Variants in EXOC2 observed in about 807,000 individuals in gnomAD.
EXOC2 encodes the protein exocyst complex component 2.
A neutral mutation model predicts 131.8 loss-of-function variants in EXOC2; 70 were observed. The observed-to-expected ratio is 0.53, with a 90% CI of 0.44 to 0.65. The LOEUF is 0.65. Ranked by LOEUF, EXOC2 falls within the 30% of genes least tolerant of loss-of-function variation. The pLI is 0.00. For synonymous variants in EXOC2, 411 were observed against 398.4 expected (o/e 1.03, Z -0.38); for missense variants, 923 against 1,108.6 (o/e 0.83, Z 2.38).
intron 1 of EXOC2, among the ~76,000 whole-genome samples, chr6:687,122 AAGAC>A (rs1215909215): frequency 6.6e-6 from 1 of 151,816 alleles, no homozygotes; most frequent in Non-Finnish European, 1.5e-5. Flanking sequence ...TTTTCCCAGA[AAGAC>A]AGATCACCTG....
intron 1 of EXOC2, among the ~76,000 whole-genome samples, chr6:647,526 T>A (rs185710268): frequency 3.0e-4 from 43 of 144,196 alleles, no homozygotes; most frequent in African/African-American, 1.0e-3. Flanking sequence ...ACAGACCAGA[T>A]TCCTGGTGAC....
chr6:514,107 A>T (rs909952316), intron 23 of EXOC2, among the ~76,000 whole-genome samples: 3 of 152,220 alleles, frequency 2.0e-5, no homozygotes, highest in Admixed American at 1.3e-4. Context: ...TCTGGACTTC[A>T]GTTTCCTTGG....
intron 12 of EXOC2, among the ~76,000 whole-genome samples, chr6:574,338 G>A (rs769625236): frequency 1.4e-4 from 21 of 152,290 alleles, no homozygotes; most frequent in South Asian, 8.3e-4. Flanking sequence ...TACTTCCACC[G>A]GTGACACGTG....
At chr6:493,953 C>A (rs576664050) in intron 25 of EXOC2, among the ~76,000 whole-genome samples, 2 of 152,106 alleles carry the variant, frequency 1.3e-5, no homozygotes, top group African/African-American at 4.8e-5. Flanking sequence ...AAATGGATTA[C>A]GGAGGTAATG....
At chr6:642,198 T>C (rs1249663573) in intron 1 of EXOC2, among the ~76,000 whole-genome samples, 3 of 152,254 alleles carry the variant, frequency 2.0e-5, no homozygotes, top group Non-Finnish European at 4.4e-5. Flanking sequence ...TCAAATGTTA[T>C]TTTAGTCTCC....
At chr6:691,133 C>G (rs1377921077) in intron 1 of EXOC2, among the ~76,000 whole-genome samples, 5 of 152,212 alleles carry the variant, frequency 3.3e-5, no homozygotes, top group Non-Finnish European at 5.9e-5. Context: ...CTTGCTGCTG[C>G]TTGACACTAG....
At chr6:687,735 A>G (rs984386714) in intron 1 of EXOC2, among the ~76,000 whole-genome samples, 5 of 152,224 alleles carry the variant, frequency 3.3e-5, no homozygotes, top group Non-Finnish European at 7.3e-5. Flanking sequence ...GAAGCTCAAG[A>G]ATGACTTTGG....
At chr6:593,760 C>CAGGCTG (rs1759668754) in intron 10 of EXOC2, among the ~76,000 whole-genome samples, 1 of 152,206 alleles carries the variant, frequency 6.6e-6, no homozygotes, top group Non-Finnish European at 1.5e-5. Flanking sequence ...TCAATGGCTC[C>CAGGCTG]AGGCTGACCT....
chr6:486,831 C>T (rs369443593), intron 27 of EXOC2, 67 bp from the exon 28 acceptor site: 78 of 1,261,184 alleles, frequency 6.2e-5, no homozygotes, highest in Non-Finnish European at 8.3e-5. Context: ...AAGAAAACAC[C>T]AGGGGAGCCA....
chr6:669,891 T>C (rs1036463626), intron 1 of EXOC2: 2 of 152,310 alleles, frequency 1.3e-5, no homozygotes, highest in East Asian at 3.8e-4. Flanking sequence ...CATTTATCCA[T>C]GGGTCCCTCA....
At chr6:663,105 A>G (rs1192467457) in intron 1 of EXOC2, among the ~76,000 whole-genome samples, 1 of 152,240 alleles carries the variant, frequency 6.6e-6, no homozygotes, top group Non-Finnish European at 1.5e-5. Flanking sequence ...AAGAAATGCA[A>G]CAGGAGATAT....
chr6:678,090 C>A (rs368109812), intron 1 of EXOC2, among the ~76,000 whole-genome samples: 1 of 152,106 alleles, frequency 6.6e-6, no homozygotes, highest in Non-Finnish European at 1.5e-5. Flanking sequence ...CTAACTGGCA[C>A]GAAGGACATG....
Position 564,889 on chromosome 6 carries a change from A to G in EXOC2, c.1484T>C (p.Val495Ala). The G allele has an allele frequency of 6.2e-7, 1 of 1,613,064 alleles. No homozygotes were observed. Among genetic ancestry groups the G allele is most frequent in the Non-Finnish European group, 8.5e-7 (1 of 1,179,644 alleles). ...KSGQIERSKN[V>A]RQRQNDFKKM... ...CTTAAAATCATTTTGTCTTTGCCTTACATTCTTTGATCTTTCAATCTGGCC... is the reference window on the plus strand; with the variant it reads ...CTTAAAATCATTTTGTCTTTGCCTTGCATTCTTTGATCTTTCAATCTGGCC... Residue 495 changes from valine to alanine, a missense_variant, in exon 14 of 28, where the codon GTA becomes GCA. Val to Ala is a moderately conservative substitution (Grantham distance 64). Coordinates refer to ENST00000230449, the MANE Select transcript of EXOC2 (RefSeq NM_018303.6).
At chr6:585,327 T>C (rs1759145393) in intron 11 of EXOC2, among the ~76,000 whole-genome samples, 1 of 152,200 alleles carries the variant, frequency 6.6e-6, no homozygotes. Flanking sequence ...AAGAGGCATG[T>C]GGAGCGTTTG....
intron 7 of EXOC2, among the ~76,000 whole-genome samples, chr6:603,442 T>G (rs148117789): frequency 1.3e-5 from 2 of 151,952 alleles, no homozygotes; most frequent in Admixed American, 1.3e-4. Context: ...CTGTGTGGAG[T>G]AGATGGAACT....
chr6:510,667 A>G (rs1581336016), intron 23 of EXOC2, among the ~76,000 whole-genome samples: 1 of 152,066 alleles, frequency 6.6e-6, no homozygotes, highest in South Asian at 2.1e-4. Context: ...AGAACAGACC[A>G]TGAATTATCC....
At chr6:675,710 T>C (rs1397524374) in intron 1 of EXOC2, among the ~76,000 whole-genome samples, 1 of 115,334 alleles carries the variant, frequency 8.7e-6, no homozygotes, top group Non-Finnish European at 1.9e-5. Flanking sequence ...GAGACTGCGG[T>C]TCCCCATACT....
intron 7 of EXOC2, among the ~76,000 whole-genome samples, chr6:608,862 C>T (rs1760570232): frequency 6.6e-6 from 1 of 152,182 alleles, no homozygotes; most frequent in African/African-American, 2.4e-5. Flanking sequence ...GGGCAAATAA[C>T]ATCCTTGAGT....
intron 1 of EXOC2, among the ~76,000 whole-genome samples, chr6:642,800 A>G (rs754049982): frequency 6.6e-6 from 1 of 152,212 alleles, no homozygotes; most frequent in Non-Finnish European, 1.5e-5. Flanking sequence ...ATTTGAAGAA[A>G]CAGTCAGTGA....
Sources: gnomAD v4.1 joint callset for allele counts (sites outside exome capture counted in the v4.1 genomes callset) on GRCh38, gnomAD v4.1.1 for gene constraint, MANE v1.5 for transcripts, NCBI Gene and HGNC (gene_info 2026-07-23, HGNC 2026-07-21) for gene names.